Variants in PTPRD observed in about 807,000 individuals in gnomAD.
PTPRD encodes the protein receptor-type tyrosine-protein phosphatase delta.
In PTPRD, 34 loss-of-function variants were observed where a neutral mutation model predicts 214.5. That is an observed-to-expected ratio of 0.16 (90% CI 0.12 to 0.21). PTPRD has a LOEUF of 0.21. PTPRD is among the 10% of genes least tolerant of loss of function. PTPRD has a pLI of 1.00. For synonymous variants in PTPRD, 1,128 were observed against 845.7 expected (o/e 1.33, Z -5.79); for missense variants, 2,545 against 2,398.7 (o/e 1.06, Z -1.27).
At chr9:8,949,190 C>G (rs1027998821) in intron 11 of PTPRD, among the ~76,000 whole-genome samples, 4 of 148,010 alleles carry the variant, frequency 2.7e-5, no homozygotes, top group African/African-American at 7.5e-5. Context: ...TGCCATTGCA[C>G]TCCAGCCTGG....
intron 3 of PTPRD, among the ~76,000 whole-genome samples, chr9:10,193,844 G>A (rs1043465533): frequency 1.3e-5 from 2 of 152,072 alleles, no homozygotes; most frequent in South Asian, 4.2e-4. Context: ...GGGCACTGAC[G>A]AAGAAAAAAT....
intron 12 of PTPRD, 121 bp downstream of exon 12, chr9:8,733,659 C>T (rs1598291052): frequency 4.0e-6 from 4 of 1,000,372 alleles, no homozygotes; most frequent in Non-Finnish European, 4.6e-6. Flanking sequence ...AGGAGGATCC[C>T]GCAGTGTCTC....
At chr9:9,277,493 A>T (rs1376843846) in intron 9 of PTPRD, among the ~76,000 whole-genome samples, 1 of 151,364 alleles carries the variant, frequency 6.6e-6, no homozygotes, top group Non-Finnish European at 1.5e-5. Context: ...GTTAACACAG[A>T]CTCATCAGAA....
At chr9:10,250,332 T>C (rs984769808) in intron 3 of PTPRD, among the ~76,000 whole-genome samples, 3 of 152,134 alleles carry the variant, frequency 2.0e-5, no homozygotes, top group Admixed American at 6.6e-5. Flanking sequence ...AAATTTTAAA[T>C]TAACCACAAT....
chr9:9,194,691 G>T (rs1240296141), intron 9 of PTPRD, among the ~76,000 whole-genome samples: 3 of 152,086 alleles, frequency 2.0e-5, no homozygotes, highest in African/African-American at 4.8e-5. Context: ...TACTTATATG[G>T]GTTTAACTTC....
chr9:8,566,491 T>C (rs540762076), intron 14 of PTPRD, among the ~76,000 whole-genome samples: 1 of 152,142 alleles, frequency 6.6e-6, no homozygotes. Flanking sequence ...ATGAAACAGC[T>C]TAGTGAAAGA....
intron 5 of PTPRD, among the ~76,000 whole-genome samples, chr9:9,934,152 C>T (rs1425377953): frequency 6.7e-6 from 1 of 149,028 alleles, no homozygotes; most frequent in African/African-American, 2.6e-5. Flanking sequence ...GACACCCTAA[C>T]ATCACAATTA....
intron 20 of PTPRD, among the ~76,000 whole-genome samples, chr9:8,519,897 G>A (rs1224835424): frequency 6.6e-6 from 1 of 152,068 alleles, no homozygotes; most frequent in Non-Finnish European, 1.5e-5. Flanking sequence ...AAGGTCTTCA[G>A]CAAGCCTTCA....
At chr9:9,929,958 A>T (rs2085818191) in intron 5 of PTPRD, among the ~76,000 whole-genome samples, 1 of 152,238 alleles carries the variant, frequency 6.6e-6, no homozygotes, top group Non-Finnish European at 1.5e-5. Flanking sequence ...GATAATGGAC[A>T]GTACTCATAC....
chr9:9,991,169 T>C (rs2095902943), intron 4 of PTPRD, among the ~76,000 whole-genome samples: 1 of 151,766 alleles, frequency 6.6e-6, no homozygotes, highest in African/African-American at 2.4e-5. Context: ...CCTGACCTCA[T>C]GTGATCTGTC....
chr9:9,576,619 T>C lies in PTPRD; in HGVS notation c.-286-1838A>G, dbSNP rs138613206. 2.2e-3 allele frequency among the ~76,000 whole-genome samples: 341 copies of C among 152,296 alleles called. 1 individual carries two copies. Among genetic ancestry groups the C allele is most frequent in the Non-Finnish European group, 1.8e-3 (124 of 68,012 alleles). Reference sequence around the variant, plus strand: ...CCTTTTTATCTAGAGGTGCAGCAAATTAAATTTTGGTTAAATGTTAAAAGG... The same window carrying C: ...CCTTTTTATCTAGAGGTGCAGCAAACTAAATTTTGGTTAAATGTTAAAAGG... On this transcript the variant is annotated intron_variant, in intron 7 of 45. Coordinates refer to ENST00000381196, the MANE Select transcript of PTPRD (RefSeq NM_002839.4).
At chr9:10,070,040 T>C (rs1272463756) in intron 3 of PTPRD, among the ~76,000 whole-genome samples, 1 of 152,044 alleles carries the variant, frequency 6.6e-6, no homozygotes, top group African/African-American at 2.4e-5. Flanking sequence ...TCCAAATTTT[T>C]GGTGTGAAGC....
At chr9:9,946,394 G>A (rs143527071) in intron 4 of PTPRD, among the ~76,000 whole-genome samples, 1 of 152,220 alleles carries the variant, frequency 6.6e-6, no homozygotes, top group East Asian at 1.9e-4. Flanking sequence ...TTAGTGAGTG[G>A]CATGTAAGAG....
chr9:8,663,971 G>A (rs1240214520), intron 12 of PTPRD, among the ~76,000 whole-genome samples: 1 of 151,002 alleles, frequency 6.6e-6, no homozygotes, highest in Non-Finnish European at 1.5e-5. Flanking sequence ...GACGATCTCT[G>A]ATATTTCACA....
intron 2 of PTPRD, among the ~76,000 whole-genome samples, chr9:10,562,376 C>G (rs891380790): frequency 1.0e-4 from 15 of 150,576 alleles, no homozygotes; most frequent in Non-Finnish European, 2.1e-4. Flanking sequence ...ATAATCAGCA[C>G]AATTAGAAGT....
chr9:10,352,174 T>G (rs1477177883), intron 2 of PTPRD, among the ~76,000 whole-genome samples: 7 of 152,034 alleles, frequency 4.6e-5, no homozygotes, highest in Non-Finnish European at 1.0e-4. Context: ...GAAACTAAAT[T>G]GAGTTTTCTT....
intron 10 of PTPRD, among the ~76,000 whole-genome samples, chr9:9,100,949 A>G (rs948580286): frequency 5.3e-5 from 8 of 152,134 alleles, no homozygotes; most frequent in Non-Finnish European, 1.0e-4. Context: ...TGGATTTCAT[A>G]TAACTATAGA....
chr9:8,624,189 C>A (rs1267986446), intron 14 of PTPRD, among the ~76,000 whole-genome samples: 1 of 151,640 alleles, frequency 6.6e-6, no homozygotes, highest in African/African-American at 2.4e-5. Context: ...TGTGTGTTAA[C>A]GTAACAATAA....
intron 5 of PTPRD, among the ~76,000 whole-genome samples, chr9:9,831,715 G>A (rs2821475): frequency 0.34 from 51,375 of 151,774 alleles, 9,038 homozygotes; most frequent in African/African-American, 0.42. Flanking sequence ...TAGACAAACT[G>A]CGTAATTTCC....
Sources: allele counts gnomAD v4.1 joint callset (sites outside exome capture counted in the v4.1 genomes callset), GRCh38; gene constraint gnomAD v4.1.1; transcripts MANE v1.5; gene names NCBI Gene and HGNC (gene_info 2026-07-23, HGNC 2026-07-21).